Variants in MIDN observed in about 807,000 individuals in gnomAD.
MIDN encodes the protein midnolin.
In MIDN, 26 loss-of-function variants were observed where a neutral mutation model predicts 46.1. The observed-to-expected ratio is 0.56, with a 90% CI of 0.41 to 0.78. The LOEUF (loss-of-function observed/expected upper bound fraction) is 0.78. Ranked by LOEUF, MIDN falls within the 30% of genes least tolerant of loss-of-function variation. The probability of loss-of-function intolerance (pLI) is 0.00; values close to 1 mark genes in which losing one functional copy is unlikely to be tolerated. For synonymous variants in MIDN, 432 were observed against 343.3 expected (o/e 1.26, Z -2.86); for missense variants, 850 against 771.8 (o/e 1.10, Z -1.20).
At position 1,257,021 on chromosome 19, in the gene MIDN, C is replaced by G. The variant is rs777006467; in HGVS notation, c.1285C>G (p.Arg429Gly). The change falls in exon 9 of 9, where the codon CGC (arginine) becomes GGC (glycine). Residue 429 changes from arginine to glycine, a missense_variant. Transcript: ENST00000682408. Reference sequence around the variant, plus strand: ...GGACCGGCTTCGGCAGACAGAAAACCGCGCCACGCGCTGCAAGGTGGAACG... The same window carrying G: ...GGACCGGCTTCGGCAGACAGAAAACGGCGCCACGCGCTGCAAGGTGGAACG... ...PGDRLRQTEN[R>G]ATRCKVERLQ... The G allele has an allele frequency of 1.2e-6, 2 of 1,611,310 alleles. No homozygotes were observed. The highest frequency in any genetic ancestry group is 1.7e-6 in the Non-Finnish European group (2 of 1,179,896).
chr19:1,251,880 C>CACG lies in MIDN; in HGVS notation c.363_364insACG (p.Leu121_Glu122insThr). On this transcript the variant is annotated inframe_insertion, in exon 4 of 9. Coordinates refer to ENST00000682408, the MANE Select transcript of MIDN (RefSeq NM_001388306.1). ...CGGAACAGTCCGTGATGCAAGCTCT[C>CACG]GAGAGTCTCACGGAGACGCAGGTAA... The CACG allele has an allele frequency of 6.2e-7, 1 of 1,613,412 alleles. No homozygotes were observed. The highest frequency in any genetic ancestry group is 8.5e-7 in the Non-Finnish European group (1 of 1,179,746).
chr19:1,255,972 G>C (rs2081194606), intron 8 of MIDN, among the ~76,000 whole-genome samples: 1 of 152,266 alleles, frequency 6.6e-6, no homozygotes, highest in South Asian at 2.1e-4. Context: ...GTGCCTCTGT[G>C]AATGGCCAAG....
chr19:1,258,378 G>A lies in MIDN; in HGVS notation c.*1106G>A, dbSNP rs903279638. 24 of 152,718 alleles carry A rather than the reference G, an allele frequency of 1.6e-4. No individual in the cohort carries two copies. In the East Asian group the frequency reaches 2.3e-3, roughly 15 times the overall value. The allele number at this position is 152,718 out of a possible 1,614,324, so 9.5% of individuals were successfully genotyped here. ...TCCGTGTAGCATTAACCCCCGTGGC[G>A]GGGTCCGCTGCTGGTCTAATTTGGA... On this transcript the variant is annotated 3_prime_UTR_variant, in exon 9 of 9. Coordinates refer to ENST00000682408, the MANE Select transcript of MIDN (RefSeq NM_001388306.1).
At chr19:1,252,922 G>T (rs976005423) in intron 4 of MIDN, among the ~76,000 whole-genome samples, 1 of 152,048 alleles carries the variant, frequency 6.6e-6, no homozygotes, top group African/African-American at 2.4e-5. Flanking sequence ...ATTTCCTGGG[G>T]CGAGTGTGAG....
At chr19:1,252,818 A>C (rs2081148506) in intron 4 of MIDN, among the ~76,000 whole-genome samples, 1 of 150,842 alleles carries the variant, frequency 6.6e-6, no homozygotes, top group East Asian at 2.0e-4. Context: ...GGGGGCCGGG[A>C]GCTGGGTGGT....
Position 1,254,458 on chromosome 19 carries a change from GCCTCCACCA to G in MIDN, c.809_817del (p.Ser270_Thr272del). The G allele has an allele frequency of 6.4e-7, 1 of 1,561,156 alleles. No individual in the cohort carries two copies. Among genetic ancestry groups the G allele is most frequent in the Non-Finnish European group, 8.6e-7 (1 of 1,160,490 alleles). ...AGCCGGCTCCTTCCGGTCCCACGCA[GCCTCCACCA>G]CCTGCCCGGAGGTGAGCCTGGGGAA... On this transcript the variant is annotated inframe_deletion, in exon 6 of 9. Coordinates refer to ENST00000682408, the MANE Select transcript of MIDN (RefSeq NM_001388306.1).
At chr19:1,252,847 C>T (rs1413590254) in intron 4 of MIDN, among the ~76,000 whole-genome samples, 1 of 151,924 alleles carries the variant, frequency 6.6e-6, no homozygotes, top group Non-Finnish European at 1.5e-5. Context: ...GGGGTGGCCA[C>T]AGCAGCAGCA....
intron 2 of MIDN, among the ~76,000 whole-genome samples, 196 bp downstream of exon 2, chr19:1,250,725 C>A (rs2081115465): frequency 6.6e-6 from 1 of 151,248 alleles, no homozygotes; most frequent in Non-Finnish European, 1.5e-5. Context: ...ACAAAGGCGG[C>A]TGCGAGGGCG....
chr19:1,258,208 C>T lies in MIDN; in HGVS notation c.*936C>T, dbSNP rs2081225292. The T allele has an allele frequency of 6.6e-6, 1 of 152,640 alleles. No individual in the cohort carries two copies. Among genetic ancestry groups the T allele is most frequent in the Admixed American group, 6.5e-5 (1 of 15,286 alleles). 9.5% of individuals were successfully genotyped at this position (152,640 alleles called of 1,614,324 possible). A position where few individuals can be genotyped will look rare whatever the true frequency, so the allele number is the denominator to read the frequency against. On this transcript the variant is annotated 3_prime_UTR_variant, in exon 9 of 9. Transcript: ENST00000682408. ...ACTCTTGAAAAAGGGGAGAGAATGG[C>T]TGGGTGCTGGGGAGTTCCCCCCTCC...
intron 7 of MIDN, 52 bp downstream of exon 7, chr19:1,255,113 A>G: frequency 6.4e-7 from 1 of 1,574,292 alleles, no homozygotes; most frequent in Non-Finnish European, 8.7e-7. Flanking sequence ...GACCCTGTGC[A>G]TTTGGGGTCT....
At position 1,254,459 on chromosome 19, in the gene MIDN, C is replaced by G; in HGVS notation, c.806C>G (p.Ala269Gly). ...GCCGGCTCCTTCCGGTCCCACGCAGCCTCCACCACCTGCCCGGAGGTGAGC... is the reference window on the plus strand; with the variant it reads ...GCCGGCTCCTTCCGGTCCCACGCAGGCTCCACCACCTGCCCGGAGGTGAGC... ...ITAGSFRSHA[A>G]STTCPEQMDC... The change falls in exon 6 of 9, where the codon GCC (alanine) becomes GGC (glycine). Residue 269 changes from alanine to glycine, a missense_variant. Physicochemically the swap from Ala to Gly is moderately conservative, Grantham distance 60. Transcript: ENST00000682408. 6 of 1,559,914 alleles carry G rather than the reference C, an allele frequency of 3.8e-6. No homozygotes were observed. The highest frequency in any genetic ancestry group is 5.2e-6 in the Non-Finnish European group (6 of 1,159,828).
rs1599994716 is a variant in MIDN, at chr19:1,257,649, C to G, written c.*377C>G. On this transcript the variant is annotated 3_prime_UTR_variant, in exon 9 of 9. Coordinates refer to ENST00000682408, the MANE Select transcript of MIDN (RefSeq NM_001388306.1). ...GGAGAGTGAAGGAGACGGAGAAACGCGCCCCATCCCTTCCGCCGCCTCCTT... is the reference window on the plus strand; with the variant it reads ...GGAGAGTGAAGGAGACGGAGAAACGGGCCCCATCCCTTCCGCCGCCTCCTT... 1 of 221,604 alleles carries G rather than the reference C, an allele frequency of 4.5e-6. No individual in the cohort carries two copies. Among genetic ancestry groups the G allele is most frequent in the African/African-American group, 2.3e-5 (1 of 42,888 alleles). The allele number at this position is 221,604 out of a possible 1,614,324, so 13.7% of individuals were successfully genotyped here. A position where few individuals can be genotyped will look rare whatever the true frequency, so the allele number is the denominator to read the frequency against.
In MIDN at chr19:1,257,356, A is replaced by T; in HGVS notation, c.*84A>T. 8.7e-7 allele frequency: 1 copy of T among 1,145,828 alleles called. No individual in the cohort carries two copies. The highest frequency in any genetic ancestry group is 1.3e-6 in the Non-Finnish European group (1 of 788,302). 71.0% of individuals were successfully genotyped at this position (1,145,828 alleles called of 1,614,324 possible). ...GAGAGCCCCGGAGAGAACGTGGCCCAGCCCTGGAGGGCAGGCGGCCACTCC... is the reference window on the plus strand; with the variant it reads ...GAGAGCCCCGGAGAGAACGTGGCCCTGCCCTGGAGGGCAGGCGGCCACTCC... On this transcript the variant is annotated 3_prime_UTR_variant, in exon 9 of 9. Coordinates refer to ENST00000682408, the MANE Select transcript of MIDN (RefSeq NM_001388306.1).
At chr19:1,249,172 C>T (rs1030174668) in intron 1 of MIDN, among the ~76,000 whole-genome samples, 1 of 148,964 alleles carries the variant, frequency 6.7e-6, no homozygotes, top group Non-Finnish European at 1.5e-5. Flanking sequence ...GGGCGCGCCT[C>T]GGGGAAACGG....
chr19:1,254,304 C>T lies in MIDN; in HGVS notation c.651C>T (p.Ala217=), dbSNP rs767257385. The part of the protein sequence containing the change: ...QHRHVLAAAA[A]AAAARGDPSI... ...GCCATGTGCTGGCCGCTGCGGCCGC[C>T]GCCGCTGCTGCGCGGGGGGACCCCA... Residue 217 remains alanine (A), a synonymous_variant, in exon 6 of 9, where the codon GCC becomes GCT. Transcript: ENST00000682408. 6.6e-5 allele frequency: 103 copies of T among 1,569,190 alleles called. 1 individual carries two copies. The South Asian group carries it at 6.8e-4, about 10-fold the overall frequency.
chr19:1,252,947 G>A (rs1049731690), intron 4 of MIDN, among the ~76,000 whole-genome samples: 7 of 151,864 alleles, frequency 4.6e-5, no homozygotes, highest in Non-Finnish European at 1.0e-4. Context: ...GCTCCCCGCC[G>A]CTGGGGGGCT....
At chr19:1,256,165 G>A (rs1056684689) in intron 8 of MIDN, among the ~76,000 whole-genome samples, 3 of 152,252 alleles carry the variant, frequency 2.0e-5, no homozygotes, top group Non-Finnish European at 4.4e-5. Flanking sequence ...CACCCGTCGC[G>A]GGGGCTCCTC....
chr19:1,257,326 A>C lies in MIDN; in HGVS notation c.*54A>C. 1 of 1,509,394 alleles carries C rather than the reference A, an allele frequency of 6.6e-7. No individual in the cohort carries two copies. Among genetic ancestry groups the C allele is most frequent in the Non-Finnish European group, 9.1e-7 (1 of 1,094,346 alleles). 93.5% of individuals were successfully genotyped at this position (1,509,394 alleles called of 1,614,324 possible). A position where few individuals can be genotyped will look rare whatever the true frequency, so the allele number is the denominator to read the frequency against. Reference sequence around the variant, plus strand: ...CGCACCCCAGCCCAGGGCGGCGGGGACTCCGAGAGCCCCGGAGAGAACGTG... The same window carrying C: ...CGCACCCCAGCCCAGGGCGGCGGGGCCTCCGAGAGCCCCGGAGAGAACGTG... On this transcript the variant is annotated 3_prime_UTR_variant, in exon 9 of 9. Transcript: ENST00000682408.
chr19:1,258,817 A>G lies in MIDN; in HGVS notation c.*1545A>G, dbSNP rs1270309575. 2 of 152,068 alleles carry G rather than the reference A, an allele frequency of 1.3e-5. No individual in the cohort carries two copies. Among genetic ancestry groups the G allele is most frequent in the African/African-American group, 4.8e-5 (2 of 41,444 alleles). The allele number at this position is 152,068 out of a possible 1,614,324, so 9.4% of individuals were successfully genotyped here. On this transcript the variant is annotated 3_prime_UTR_variant, in exon 9 of 9. Transcript: ENST00000682408. Reference sequence around the variant, plus strand: ...CAAAAAAAAAAGAAAAAAAAATAGAAAAAAAAGGAGTAAAAGGGGCGGGTT... The same window carrying G: ...CAAAAAAAAAAGAAAAAAAAATAGAGAAAAAAGGAGTAAAAGGGGCGGGTT...
Sources: allele counts gnomAD v4.1 joint callset (sites outside exome capture counted in the v4.1 genomes callset), GRCh38; gene constraint gnomAD v4.1.1; transcripts MANE v1.5; gene names NCBI Gene and HGNC (gene_info 2026-07-23, HGNC 2026-07-21).